The following JAK2 variants were observed in gnomAD, a reference collection of about 807,000 sequenced individuals.
The protein encoded by JAK2 is tyrosine-protein kinase JAK2.
Under a neutral mutation model 139.3 loss-of-function variants are expected in JAK2, and 86 were observed. The ratio of observed to expected loss-of-function variants is 0.62; its 90% CI spans 0.52 to 0.74. The LOEUF (loss-of-function observed/expected upper bound fraction) is 0.74. JAK2 is among the 30% of genes least tolerant of loss of function. The pLI is 0.00. For missense variants in JAK2, 1,421 were observed against 1,360.3 expected, an observed-to-expected ratio of 1.04 and a Z score of -0.70; for synonymous variants, 490 against 437.7, an observed-to-expected ratio of 1.12 and a Z score of -1.49.
Position 5,003,826 on chromosome 9 carries a change from TG to T in JAK2, c.-26+17805del, listed in dbSNP as rs1410309333. On this transcript the variant is annotated intron_variant, in intron 2 of 24. Transcript: ENST00000381652. The stretch of plus-strand genomic sequence containing the variant: ...ATCAATATTTTACCATTAGGTATAT[TG>T]TTTTTTTACTGTTACCCTTTATCAG... 9.3e-5 allele frequency among the ~76,000 whole-genome samples: 14 copies of T among 150,460 alleles called. No homozygotes were observed. In the South Asian group the frequency reaches 1.7e-3, roughly 18 times the overall value.
intron 2 of JAK2, among the ~76,000 whole-genome samples, chr9:5,006,486 T>A (rs1374239883): frequency 6.6e-6 from 1 of 152,206 alleles, no homozygotes; most frequent in Non-Finnish European, 1.5e-5. Flanking sequence ...AAGAGCTATC[T>A]GAGACTGGGT....
chr9:5,078,180 A>T, intron 15 of JAK2, 126 bp from the exon 16 acceptor site: 1 of 706,104 alleles, frequency 1.4e-6, no homozygotes, highest in Non-Finnish European at 2.3e-6. Flanking sequence ...TTCTCAATGC[A>T]TGCCTCCAAA....
In JAK2 at chr9:5,071,797, A is replaced by G. The variant is rs1277379166; in HGVS notation, c.1642-695A>G. The stretch of plus-strand genomic sequence containing the variant: ...AACAGAGTGGCCAGGTAACTTGACT[A>G]ACATTACAAATCTAATAAATAGTAG... On this transcript the variant is annotated intron_variant, in intron 12 of 24. Transcript: ENST00000381652. Among the ~76,000 whole-genome samples the G allele has an allele frequency of 9.2e-5, 14 of 152,318 alleles. No homozygotes were observed. In the East Asian group the frequency reaches 2.7e-3, roughly 29 times the overall value.
intron 22 of JAK2, 71 bp downstream of exon 22, chr9:5,090,982 A>G (rs966374611): frequency 4.0e-5 from 45 of 1,120,164 alleles, no homozygotes; most frequent in Non-Finnish European, 5.2e-5. Context: ...GTTATTTAAT[A>G]GTTTGCCATT....
intron 4 of JAK2, among the ~76,000 whole-genome samples, chr9:5,032,185 G>A (rs1366606195): frequency 2.6e-5 from 4 of 152,226 alleles, no homozygotes; most frequent in Non-Finnish European, 5.9e-5. Context: ...CTGCAAGGTG[G>A]CAGCGAGGCT....
intron 2 of JAK2, among the ~76,000 whole-genome samples, chr9:5,010,573 G>A (rs1289108573): frequency 6.6e-6 from 1 of 152,210 alleles, no homozygotes. Context: ...CACCCGCCTC[G>A]GCCTCCCAAA....
At chr9:5,058,217 G>A (rs948665458) in intron 8 of JAK2, among the ~76,000 whole-genome samples, 3 of 152,028 alleles carry the variant, frequency 2.0e-5, no homozygotes, top group East Asian at 1.9e-4. Flanking sequence ...CTATTAGTCC[G>A]TTCTCACACT....
intron 19 of JAK2, 106 bp from the exon 20 acceptor site, chr9:5,089,564 AAGAC>A (rs1246490391): frequency 3.2e-5 from 11 of 339,566 alleles, no homozygotes; most frequent in East Asian, 4.8e-5. Context: ...AAAAAAAAAA[AAGAC>A]AGTCTGCTAA....
Position 5,092,870 on chromosome 9 carries a change from G to C in JAK2, c.3059+1959G>C, listed in dbSNP as rs182164420. On this transcript the variant is annotated intron_variant, in intron 22 of 24. Coordinates refer to ENST00000381652, the MANE Select transcript of JAK2 (RefSeq NM_004972.4). ...ACCCACAGAATTACTTAATGTCCCTGTAAGTTTAACTGTTAATCTAAAGAG... is the reference window on the plus strand; with the variant it reads ...ACCCACAGAATTACTTAATGTCCCTCTAAGTTTAACTGTTAATCTAAAGAG... Among the ~76,000 whole-genome samples, 13 of 152,232 alleles carry C rather than the reference G, an allele frequency of 8.5e-5. No homozygotes were observed. The East Asian group carries it at 2.3e-3, about 27-fold the overall frequency.
chr9:5,028,556 T>G (rs1822935116), intron 3 of JAK2, among the ~76,000 whole-genome samples: 1 of 152,208 alleles, frequency 6.6e-6, no homozygotes, highest in Non-Finnish European at 1.5e-5. Flanking sequence ...AGCACTGACT[T>G]CTTTCTAGCT....
At chr9:5,094,372 A>G (rs1820815503) in intron 22 of JAK2, 1 of 152,196 alleles carries the variant, frequency 6.6e-6, no homozygotes, top group East Asian at 1.9e-4. Flanking sequence ...TAATTTTAAT[A>G]TAGGCCTCTT....
intron 22 of JAK2, chr9:5,095,050 T>C (rs1261660931): frequency 9.4e-6 from 1 of 106,880 alleles, no homozygotes; most frequent in Non-Finnish European, 2.3e-5. Flanking sequence ...ATTACTTTGA[T>C]AGAGTAAACA....
At chr9:5,046,932 A>G (rs1817049482) in intron 5 of JAK2, among the ~76,000 whole-genome samples, 1 of 152,184 alleles carries the variant, frequency 6.6e-6, no homozygotes, top group Non-Finnish European at 1.5e-5. Flanking sequence ...CTATTCATTC[A>G]GCTACTTTAG....
Position 5,081,763 on chromosome 9 carries a change from A to G in JAK2, c.2473A>G (p.Met825Val). The part of the protein sequence containing the change: ...LLTENDMLPN[M>V]RIGALGFSGA... The stretch of plus-strand genomic sequence containing the variant: ...AACAGAAAATGACATGTTACCAAAT[A>G]TGAGGATAGGTGCCCTGGGGTTTTC... The change falls in exon 19 of 25, where the codon ATG becomes GTG. Residue 825 changes from methionine (M) to valine (V), a missense_variant. Met to Val is a conservative substitution (Grantham distance 21). Transcript: ENST00000381652. The G allele has an allele frequency of 6.2e-7, 1 of 1,601,752 alleles. No homozygotes were observed. Among genetic ancestry groups the G allele is most frequent in the Non-Finnish European group, 8.6e-7 (1 of 1,168,898 alleles).
chr9:4,997,460 C>G (rs1312754329), intron 2 of JAK2, among the ~76,000 whole-genome samples: 1 of 152,156 alleles, frequency 6.6e-6, no homozygotes, highest in African/African-American at 2.4e-5. Context: ...GGAAGGTGCA[C>G]ACACTTTTAA....
chr9:5,102,879 G>A (rs1386668594), intron 22 of JAK2, among the ~76,000 whole-genome samples: 1 of 152,078 alleles, frequency 6.6e-6, no homozygotes, highest in Non-Finnish European at 1.5e-5. Context: ...TGCCTTACAA[G>A]ATCTCCTGAA....
intron 4 of JAK2, among the ~76,000 whole-genome samples, chr9:5,033,737 G>A (rs1258694442): frequency 1.3e-5 from 2 of 152,134 alleles, no homozygotes; most frequent in Non-Finnish European, 2.9e-5. Context: ...GCTCCTGAAG[G>A]AAGCACTAAA....
At chr9:5,116,792 T>G (rs1356049269) in intron 22 of JAK2, among the ~76,000 whole-genome samples, 1 of 152,182 alleles carries the variant, frequency 6.6e-6, no homozygotes, top group Non-Finnish European at 1.5e-5. Context: ...AACTGACAGG[T>G]CCACTACCCA....
intron 5 of JAK2, among the ~76,000 whole-genome samples, chr9:5,047,172 C>T (rs929498174): frequency 3.3e-5 from 5 of 152,078 alleles, no homozygotes; most frequent in African/African-American, 7.2e-5. Context: ...ATTTAGATTA[C>T]TCTAAGATTG....
Sources: gnomAD v4.1 joint callset for allele counts (sites outside exome capture counted in the v4.1 genomes callset) on GRCh38, gnomAD v4.1.1 for gene constraint, MANE v1.5 for transcripts, NCBI Gene and HGNC (gene_info 2026-07-23, HGNC 2026-07-21) for gene names.